Variants in ATXN10 observed in about 807,000 individuals in gnomAD.
ATXN10 encodes the protein ataxin-10.
ATXN10 carries 28 observed loss-of-function variants against 52.9 expected under a neutral mutation model. The ratio of observed to expected loss-of-function variants is 0.53; its 90% CI spans 0.39 to 0.73. The LOEUF (loss-of-function observed/expected upper bound fraction) is 0.73. Ranked by LOEUF, ATXN10 falls within the 30% of genes least tolerant of loss-of-function variation. The pLI, the probability that ATXN10 is intolerant of heterozygous loss-of-function variation, is 0.00. For synonymous variants in ATXN10, 226 were observed against 221.5 expected (o/e 1.02, Z -0.18); for missense variants, 565 against 577.0 (o/e 0.98, Z 0.21).
At chr22:45,691,623 C>T (rs966139515) in intron 2 of ATXN10, among the ~76,000 whole-genome samples, 2 of 152,180 alleles carry the variant, frequency 1.3e-5, no homozygotes, top group African/African-American at 2.4e-5. Flanking sequence ...GGGCCAGGCG[C>T]GGTGGCTCAC....
rs529358594 is a variant in ATXN10 at position 45,705,519 on chromosome 22, C to T, written c.647+2672C>T. ...TGCGATCTCGGCTCACTGCAACCTC[C>T]GCCTCTTGGGTTCAAGCAATTCTCT... On this transcript the variant is annotated intron_variant, in intron 5 of 11. Coordinates refer to ENST00000252934, the MANE Select transcript of ATXN10 (RefSeq NM_013236.4). The surrounding 1 kb of genome is among the most constrained non-coding windows in gnomAD (Gnocchi z 5.2). 1.8e-4 allele frequency among the ~76,000 whole-genome samples: 28 copies of T among 152,036 alleles called. No homozygotes were observed. The highest frequency in any genetic ancestry group is 3.7e-4 in the Non-Finnish European group (25 of 67,944).
Position 45,736,773 on chromosome 22 carries a change from C to T in ATXN10, c.895-1958C>T, listed in dbSNP as rs367911064. Among the ~76,000 whole-genome samples the T allele has an allele frequency of 7.2e-5, 11 of 152,084 alleles. No individual in the cohort carries two copies. The South Asian group carries it at 1.7e-3, about 23-fold the overall frequency. On this transcript the variant is annotated intron_variant, in intron 7 of 11. Coordinates refer to ENST00000252934, the MANE Select transcript of ATXN10 (RefSeq NM_013236.4). Reference sequence around the variant, plus strand: ...GTTTATTTTTTGCAGTAGTGTTTCGCTGTTGATGATACTACTTTCGTCAAG... The same window carrying T: ...GTTTATTTTTTGCAGTAGTGTTTCGTTGTTGATGATACTACTTTCGTCAAG...
chr22:45,738,242 T>G (rs1322868940), intron 7 of ATXN10, among the ~76,000 whole-genome samples: 1 of 152,212 alleles, frequency 6.6e-6, no homozygotes, highest in Non-Finnish European at 1.5e-5. Context: ...ACCCAGAAAT[T>G]ATGCAAGTTC....
intron 10 of ATXN10, among the ~76,000 whole-genome samples, chr22:45,812,519 A>G (rs1163661108): frequency 2.6e-5 from 4 of 152,202 alleles, no homozygotes; most frequent in Admixed American, 2.6e-4. Flanking sequence ...AATGTCTCCC[A>G]TGAGTTCTTT....
rs1923889514 is a variant in ATXN10 at position 45,702,771 on chromosome 22, A to G, written c.571A>G (p.Lys191Glu). 6.2e-7 allele frequency: 1 copy of G among 1,614,060 alleles called. No individual in the cohort carries two copies. The highest frequency in any genetic ancestry group is 1.3e-5 in the African/African-American group (1 of 75,048). ...TACATCCCTTAATCATGAAAGAATG[A>G]AAGAACTGGAGGAGAACCTCAATAT... ...LFTSLNHERM[K>E]ELEENLNIAI... The change falls in exon 5 of 12, where the codon AAA (lysine) becomes GAA (glutamate). Residue 191 changes from lysine (K) to glutamate (E), a missense_variant. Transcript: ENST00000252934.
chr22:45,749,060 T>C (rs1000253558), intron 9 of ATXN10, among the ~76,000 whole-genome samples: 1 of 152,208 alleles, frequency 6.6e-6, no homozygotes. Context: ...ATTATATAAT[T>C]GCAATGTAAC....
intron 1 of ATXN10, chr22:45,676,068 A>G (rs989522185): frequency 2.6e-5 from 4 of 152,220 alleles, no homozygotes; most frequent in Non-Finnish European, 5.9e-5. Context: ...CTGAACAAGT[A>G]AGACAAACAT....
At chr22:45,700,020 C>G (rs1923778276) in intron 3 of ATXN10, among the ~76,000 whole-genome samples, 1 of 151,916 alleles carries the variant, frequency 6.6e-6, no homozygotes, top group South Asian at 2.1e-4. Context: ...ACATATTGGC[C>G]AGGCTGGTCT....
intron 6 of ATXN10, among the ~76,000 whole-genome samples, chr22:45,724,042 TTG>T (rs754631223): frequency 0.092 from 400 of 4,334 alleles, 2 homozygotes; most frequent in South Asian, 0.27. Context: ...TAGTATTCCA[TTG>T]TGTATATATA....
chr22:45,679,688 C>G (rs991103870), intron 1 of ATXN10: 2 of 152,220 alleles, frequency 1.3e-5, no homozygotes, highest in African/African-American at 4.8e-5. Context: ...TTCAGCTCAA[C>G]TTTGTTGAGA....
Position 45,823,517 on chromosome 22 carries a change from C to T in ATXN10, c.1237+16495C>T, listed in dbSNP as rs1412866633. ...TTCACCCTTGGCTCTGCAGGACCGC[C>T]TTGTCATAAATCATTGTCCTACAGG... On this transcript the variant is annotated intron_variant, in intron 10 of 11. Coordinates refer to ENST00000252934, the MANE Select transcript of ATXN10 (RefSeq NM_013236.4). This position sits in a 1 kb window ranked among gnomAD's most constrained non-coding sequence, Gnocchi z 4.9. Among the ~76,000 whole-genome samples, 4 of 152,104 alleles carry T rather than the reference C, an allele frequency of 2.6e-5. No homozygotes were observed. The highest frequency in any genetic ancestry group is 5.9e-5 in the Non-Finnish European group (4 of 68,030).
At chr22:45,809,479 T>C (rs1022241642) in intron 10 of ATXN10, among the ~76,000 whole-genome samples, 2 of 152,242 alleles carry the variant, frequency 1.3e-5, no homozygotes, top group Non-Finnish European at 2.9e-5. Context: ...GTAGGTACTT[T>C]TGTATATCTA....
rs1344964918 is a variant in ATXN10 at position 45,821,680 on chromosome 22, A to G, written c.1237+14658A>G. Reference sequence around the variant, plus strand: ...TTACATATAGTAAACTGCAAGTTTTAAGTATACATCTTGACATTTAGGGGC... The same window carrying G: ...TTACATATAGTAAACTGCAAGTTTTGAGTATACATCTTGACATTTAGGGGC... On this transcript the variant is annotated intron_variant, in intron 10 of 11. Coordinates refer to ENST00000252934, the MANE Select transcript of ATXN10 (RefSeq NM_013236.4). 2.0e-5 allele frequency among the ~76,000 whole-genome samples: 3 copies of G among 152,214 alleles called. No individual in the cohort carries two copies. In the South Asian group the frequency reaches 6.2e-4, roughly 32 times the overall value.
intron 1 of ATXN10, chr22:45,689,390 C>A: frequency 2.6e-6 from 1 of 382,222 alleles, no homozygotes; most frequent in South Asian, 2.4e-5. Context: ...GTGTCTCTGC[C>A]AGTTACTGGC....
At position 45,672,031 on chromosome 22, in the gene ATXN10, C is replaced by T. The variant is rs1234095193; in HGVS notation, c.-33C>T. On this transcript the variant is annotated 5_prime_UTR_variant, in exon 1 of 12. Transcript: ENST00000252934. ...CTTCGTCCTCCTCGCCTTCCTCCTC[C>T]TCGTCAGGCTCGACCCAGCTGTGAG... 1 of 1,530,956 alleles carries T rather than the reference C, an allele frequency of 6.5e-7. No homozygotes were observed. The allele number at this position is 1,530,956 out of a possible 1,614,324, so 94.8% of individuals were successfully genotyped here.
At chr22:45,813,156 A>G (rs1201086574) in intron 10 of ATXN10, among the ~76,000 whole-genome samples, 1 of 152,214 alleles carries the variant, frequency 6.6e-6, no homozygotes. Context: ...ACAGTAGCCA[A>G]TGCCATCGGA....
intron 3 of ATXN10, among the ~76,000 whole-genome samples, chr22:45,698,193 T>C (rs1291266636): frequency 1.3e-5 from 2 of 152,234 alleles, no homozygotes; most frequent in African/African-American, 2.4e-5. Flanking sequence ...ATATGGTAAC[T>C]CTGCTTACCA....
chr22:45,828,990 T>C lies in ATXN10; in HGVS notation c.1238-14001T>C, dbSNP rs1185527872. Among the ~76,000 whole-genome samples, 1 of 152,176 alleles carries C rather than the reference T, an allele frequency of 6.6e-6. No homozygotes were observed. The highest frequency in any genetic ancestry group is 2.4e-5 in the African/African-American group (1 of 41,436). On this transcript the variant is annotated intron_variant, in intron 10 of 11. Coordinates refer to ENST00000252934, the MANE Select transcript of ATXN10 (RefSeq NM_013236.4). The surrounding 1 kb of genome is among the most constrained non-coding windows in gnomAD (Gnocchi z 4.5). The stretch of plus-strand genomic sequence containing the variant: ...TAAAGACCAACATCCTTTATGAACA[T>C]GAATTTAACAGCATACTAAAAGAAT...
At position 45,718,680 on chromosome 22, in the gene ATXN10, G is replaced by A. The variant is rs1024532782; in HGVS notation, c.728+187G>A. On this transcript the variant is annotated intron_variant, in intron 6 of 11. Coordinates refer to ENST00000252934, the MANE Select transcript of ATXN10 (RefSeq NM_013236.4). This position sits in a 1 kb window ranked among gnomAD's most constrained non-coding sequence, Gnocchi z 4.4. ...TAGCCACAGTAGGCAGTGATTTATGGAGGGTAGCAGGATCCAGGTTGGTGC... is the reference window on the plus strand; with the variant it reads ...TAGCCACAGTAGGCAGTGATTTATGAAGGGTAGCAGGATCCAGGTTGGTGC... 4.6e-5 allele frequency among the ~76,000 whole-genome samples: 7 copies of A among 152,162 alleles called. No homozygotes were observed. Among genetic ancestry groups the A allele is most frequent in the African/African-American group, 1.4e-4 (6 of 41,448 alleles).
Sources: gnomAD v4.1 joint callset for allele counts (sites outside exome capture counted in the v4.1 genomes callset) on GRCh38, gnomAD v4.1.1 for gene constraint, Gnocchi (gnomAD v3.1) non-coding constraint, MANE v1.5 for transcripts, NCBI Gene and HGNC (gene_info 2026-07-23, HGNC 2026-07-21) for gene names.